Variants in NRP1 observed in about 807,000 individuals in gnomAD.
NRP1 encodes the protein neuropilin 1, also known as neuropilin-1.
Under a neutral mutation model 106.7 loss-of-function variants are expected in NRP1, and 35 were observed. The observed-to-expected ratio is 0.33, with a 90% CI of 0.25 to 0.43. The LOEUF (loss-of-function observed/expected upper bound fraction) is 0.43. NRP1 is among the 20% of genes least tolerant of loss of function. The probability of loss-of-function intolerance (pLI) is 1.00; values close to 1 mark genes in which losing one functional copy is unlikely to be tolerated. For synonymous variants in NRP1, 437 were observed against 417.9 expected (o/e 1.05, Z -0.56); for missense variants, 1,024 against 1,170.4 (o/e 0.87, Z 1.83).
chr10:33,217,994 T>A (rs902576029), intron 8 of NRP1, among the ~76,000 whole-genome samples: 21 of 152,204 alleles, frequency 1.4e-4, no homozygotes, highest in Admixed American at 4.6e-4. Flanking sequence ...GAGCATAATT[T>A]AATCTCTCCT....
At chr10:33,242,155 G>T (rs1432189294) in intron 6 of NRP1, among the ~76,000 whole-genome samples, 1 of 152,072 alleles carries the variant, frequency 6.6e-6, no homozygotes, top group Non-Finnish European at 1.5e-5. Context: ...CCCCCCAGAA[G>T]ACACAGGGCT....
chr10:33,320,793 A>G (rs544289961), intron 2 of NRP1, among the ~76,000 whole-genome samples: 2 of 152,212 alleles, frequency 1.3e-5, no homozygotes, highest in Non-Finnish European at 2.9e-5. Flanking sequence ...AAATGTAAGT[A>G]AGACATGGTT....
intron 2 of NRP1, among the ~76,000 whole-genome samples, chr10:33,315,083 TC>T (rs1846925212): frequency 6.6e-6 from 1 of 152,164 alleles, no homozygotes; most frequent in Non-Finnish European, 1.5e-5. Flanking sequence ...CAGAAAACAC[TC>T]AGCAATCAGG....
intron 2 of NRP1, among the ~76,000 whole-genome samples, chr10:33,314,017 C>CTTCT (rs141266035): frequency 0.41 from 42,411 of 102,636 alleles, 6,591 homozygotes; most frequent in East Asian, 0.6. Context: ...TCCTTCCTTC[C>CTTCT]TTCTCTCTCT....
In NRP1 at chr10:33,178,978, C is replaced by A. The variant is rs1348091486; in HGVS notation, c.*1098G>T. 6.6e-6 allele frequency: 1 copy of A among 152,464 alleles called. No homozygotes were observed. The highest frequency in any genetic ancestry group is 1.5e-5 in the Non-Finnish European group (1 of 68,010). 9.4% of individuals were successfully genotyped at this position (152,464 alleles called of 1,614,324 possible). A position where few individuals can be genotyped will look rare whatever the true frequency, so the allele number is the denominator to read the frequency against. ...GTTTCTTTCCTGGACAATGGCAAAT[C>A]CTCCAATTCTAAGAGAGAAAAAAGA... On this transcript the variant is annotated 3_prime_UTR_variant, in exon 17 of 17. Coordinates refer to ENST00000374867, the MANE Select transcript of NRP1 (RefSeq NM_003873.7).
chr10:33,261,215 C>T (rs557778256), intron 4 of NRP1, among the ~76,000 whole-genome samples: 25 of 152,208 alleles, frequency 1.6e-4, no homozygotes, highest in South Asian at 1.5e-3. Flanking sequence ...AATTGTTCCT[C>T]GATTCAACTC....
intron 2 of NRP1, among the ~76,000 whole-genome samples, chr10:33,318,081 C>G (rs1186654546): frequency 2.0e-5 from 3 of 152,104 alleles, no homozygotes; most frequent in Non-Finnish European, 2.9e-5. Context: ...ATTCATAAGA[C>G]ACTTCCATCT....
At chr10:33,252,758 G>A (rs184486132) in intron 6 of NRP1, among the ~76,000 whole-genome samples, 3 of 152,130 alleles carry the variant, frequency 2.0e-5, no homozygotes, top group Admixed American at 1.3e-4. Context: ...TTTCATTTCT[G>A]TCTTAATCTA....
intron 2 of NRP1, among the ~76,000 whole-genome samples, chr10:33,305,536 G>A (rs1463358594): frequency 6.6e-6 from 1 of 151,974 alleles, no homozygotes; most frequent in Non-Finnish European, 1.5e-5. Flanking sequence ...CGTTGTCTCG[G>A]GAATCCTGGG....
chr10:33,307,970 G>A (rs961404623), intron 2 of NRP1, among the ~76,000 whole-genome samples: 1 of 152,042 alleles, frequency 6.6e-6, no homozygotes, highest in African/African-American at 2.4e-5. Flanking sequence ...CAATCTACAA[G>A]CCCATCAATG....
intron 6 of NRP1, chr10:33,249,579 G>GA (rs1413995376): frequency 2.0e-6 from 1 of 489,212 alleles, no homozygotes; most frequent in African/African-American, 2.0e-5. Context: ...ACAAAGAAAG[G>GA]AAAAAGGTAA....
intron 6 of NRP1, among the ~76,000 whole-genome samples, chr10:33,226,863 A>G (rs148510238): frequency 4.4e-4 from 67 of 152,322 alleles, no homozygotes; most frequent in African/African-American, 1.3e-3. Context: ...GGACCAAACC[A>G]ATGTACATCT....
chr10:33,235,304 T>C (rs1030049123), intron 6 of NRP1, among the ~76,000 whole-genome samples: 18 of 152,202 alleles, frequency 1.2e-4, no homozygotes, highest in Non-Finnish European at 1.5e-4. Context: ...TAGAGACTTT[T>C]CCAGAATCCA....
rs539965616 is a variant in NRP1 at position 33,275,002 on chromosome 10, C to T, written c.249-4146G>A. Among the ~76,000 whole-genome samples, 38 of 152,212 alleles carry T rather than the reference C, an allele frequency of 2.5e-4. No homozygotes were observed. The South Asian group carries it at 3.7e-3, about 15-fold the overall frequency. On this transcript the variant is annotated intron_variant, in intron 2 of 16. Coordinates refer to ENST00000374867, the MANE Select transcript of NRP1 (RefSeq NM_003873.7). ...TCCAAGAATTAACTTACGTATCCCA[C>T]AAAAGAGAACAGATTTTTCTTCCAG...
At chr10:33,224,590 G>A (rs1174501991) in intron 7 of NRP1, among the ~76,000 whole-genome samples, 1 of 145,748 alleles carries the variant, frequency 6.9e-6, no homozygotes, top group Non-Finnish European at 1.5e-5. Context: ...CAGGGTACCT[G>A]TGCAGGATGT....
chr10:33,184,974 C>T (rs1835908839), intron 15 of NRP1, among the ~76,000 whole-genome samples: 1 of 152,160 alleles, frequency 6.6e-6, no homozygotes, highest in Non-Finnish European at 1.5e-5. Flanking sequence ...TGTGCTATTA[C>T]ACTGCCATTA....
At chr10:33,209,186 C>T (rs1041474661) in intron 9 of NRP1, among the ~76,000 whole-genome samples, 6 of 152,074 alleles carry the variant, frequency 3.9e-5, no homozygotes, top group African/African-American at 1.2e-4. Flanking sequence ...GGATTATAGG[C>T]GTGAACCCCC....
chr10:33,235,317 T>C (rs1840471339), intron 6 of NRP1, among the ~76,000 whole-genome samples: 1 of 152,202 alleles, frequency 6.6e-6, no homozygotes, highest in South Asian at 2.1e-4. Context: ...AGAATCCAGC[T>C]ACCCAAATCA....
At chr10:33,213,021 T>C (rs954356011) in intron 9 of NRP1, 3 of 555,304 alleles carry the variant, frequency 5.4e-6, no homozygotes, top group Non-Finnish European at 9.5e-6. Flanking sequence ...GGGGTAGGTT[T>C]GAGATGGGGG....
Sources: allele counts gnomAD v4.1 joint callset (sites outside exome capture counted in the v4.1 genomes callset), GRCh38; gene constraint gnomAD v4.1.1; transcripts MANE v1.5; gene names NCBI Gene and HGNC (gene_info 2026-07-23, HGNC 2026-07-21).